The following DIAPH3 variants were observed in gnomAD, a reference collection of about 807,000 sequenced individuals.
DIAPH3 encodes the protein protein diaphanous homolog 3.
DIAPH3 carries 117 observed loss-of-function variants against 144.3 expected under a neutral mutation model. The observed-to-expected ratio is 0.81, with a 90% CI of 0.70 to 0.95. The LOEUF (loss-of-function observed/expected upper bound fraction) is 0.95, where lower values mean the gene tolerates loss of function less well. Among genes scored for constraint, DIAPH3 ranks in the 40% least tolerant of loss-of-function variants. The pLI, the probability that DIAPH3 is intolerant of heterozygous loss-of-function variation, is 0.00. For synonymous variants in DIAPH3, 519 were observed against 488.9 expected, an observed-to-expected ratio of 1.06 and a Z score of -0.81; for missense variants, 1,421 against 1,412.7, an observed-to-expected ratio of 1.01 and a Z score of -0.09.
chr13:60,087,786 C>CAAA (rs66948092), intron 4 of DIAPH3, among the ~76,000 whole-genome samples: 1,855 of 145,354 alleles, frequency 0.013, 24 homozygotes, highest in South Asian at 0.021. Flanking sequence ...TCCAAAATAT[C>CAAA]AAAAAAAAAA....
At chr13:59,768,499 T>C (rs1009269074) in intron 27 of DIAPH3, among the ~76,000 whole-genome samples, 7 of 152,080 alleles carry the variant, frequency 4.6e-5, no homozygotes, top group African/African-American at 1.7e-4. Context: ...AGAAATTTCC[T>C]AATTCTGCCT....
At chr13:59,972,703 T>A (rs1037239250) in intron 15 of DIAPH3, among the ~76,000 whole-genome samples, 14 of 152,156 alleles carry the variant, frequency 9.2e-5, no homozygotes, top group African/African-American at 3.4e-4. Flanking sequence ...TAACTATCAA[T>A]GTCTTAAAGA....
At position 59,979,329 on chromosome 13, in the gene DIAPH3, G is replaced by A. The variant is rs182273455; in HGVS notation, c.1545+1466C>T. Among the ~76,000 whole-genome samples, 570 of 151,636 alleles carry A rather than the reference G, an allele frequency of 3.8e-3. 2 individuals carry two copies. The highest frequency in any genetic ancestry group is 4.9e-3 in the Non-Finnish European group (332 of 67,698). On this transcript the variant is annotated intron_variant, in intron 14 of 27. Coordinates refer to ENST00000400324, the MANE Select transcript of DIAPH3 (RefSeq NM_001042517.2). ...ACTATCTGGGATGTATCCAAATCAAGTACTTGAAAGTCTACTACTACTTTC... is the reference window on the plus strand; with the variant it reads ...ACTATCTGGGATGTATCCAAATCAAATACTTGAAAGTCTACTACTACTTTC...
At chr13:59,852,557 A>G (rs2043037075) in intron 22 of DIAPH3, among the ~76,000 whole-genome samples, 1 of 152,220 alleles carries the variant, frequency 6.6e-6, no homozygotes, top group Admixed American at 6.5e-5. Flanking sequence ...AGGCTGAAGC[A>G]GAGGCAGAAA....
rs1375342712 is a variant in DIAPH3 at position 59,830,776 on chromosome 13, T to C, written c.3027+2331A>G. ...AATAGAAAAAAAGAAAAAGTGGTCA[T>C]TTTTTGGAACAATAATTTGGTTTGT... is the stretch of plus-strand genomic sequence containing the variant. On this transcript the variant is annotated intron_variant, in intron 24 of 27. Transcript: ENST00000400324. Among the ~76,000 whole-genome samples the C allele has an allele frequency of 3.3e-5, 5 of 152,020 alleles. No individual in the cohort carries two copies. In the East Asian group the frequency reaches 9.7e-4, roughly 29 times the overall value.
chr13:59,983,410 G>A (rs1441524012), intron 13 of DIAPH3, among the ~76,000 whole-genome samples: 1 of 151,430 alleles, frequency 6.6e-6, no homozygotes, highest in Non-Finnish European at 1.5e-5. Context: ...GTATACAAGG[G>A]TCAGGCTTTA....
chr13:59,762,186 C>T (rs182531230), intron 27 of DIAPH3, among the ~76,000 whole-genome samples: 4 of 150,416 alleles, frequency 2.7e-5, no homozygotes, highest in South Asian at 2.1e-4. Flanking sequence ...AGCCTCCGGA[C>T]GAGTAGCTGG....
intron 25 of DIAPH3, among the ~76,000 whole-genome samples, chr13:59,797,038 A>G (rs1347922652): frequency 1.3e-5 from 2 of 152,128 alleles, no homozygotes; most frequent in Non-Finnish European, 2.9e-5. Flanking sequence ...TGATAACCCA[A>G]CTCCTAAACC....
chr13:60,075,818 C>T (rs754424117), intron 4 of DIAPH3, among the ~76,000 whole-genome samples: 1 of 152,190 alleles, frequency 6.6e-6, no homozygotes, highest in Admixed American at 6.5e-5. Context: ...CTGCTATAAT[C>T]AAGCATCACT....
At chr13:59,879,014 G>A (rs2044819579) in intron 21 of DIAPH3, among the ~76,000 whole-genome samples, 4 of 152,102 alleles carry the variant, frequency 2.6e-5, no homozygotes, top group Admixed American at 2.6e-4. Context: ...TAAAATCCTT[G>A]AATTGGATTT....
At chr13:59,688,683 T>C (rs1344811334) in intron 27 of DIAPH3, among the ~76,000 whole-genome samples, 1 of 151,988 alleles carries the variant, frequency 6.6e-6, no homozygotes, top group African/African-American at 2.4e-5. Context: ...CACCTAGAGA[T>C]AGTTTAAGTG....
At chr13:60,002,219 G>A (rs1292207371) in intron 9 of DIAPH3, among the ~76,000 whole-genome samples, 2 of 152,162 alleles carry the variant, frequency 1.3e-5, no homozygotes, top group South Asian at 2.1e-4. Flanking sequence ...CTGGAAGGCA[G>A]GACTGAGGCA....
intron 3 of DIAPH3, among the ~76,000 whole-genome samples, chr13:60,103,605 G>C (rs2058333530): frequency 6.6e-6 from 1 of 152,124 alleles, no homozygotes; most frequent in African/African-American, 2.4e-5. Context: ...CACTGCAATA[G>C]CAAAACCAAA....
chr13:60,128,350 A>C (rs1025543961), intron 2 of DIAPH3, among the ~76,000 whole-genome samples: 1 of 152,170 alleles, frequency 6.6e-6, no homozygotes, highest in Non-Finnish European at 1.5e-5. Context: ...TTGCTATTGT[A>C]AATAGTGCTG....
At chr13:59,998,846 C>T (rs936761352) in intron 9 of DIAPH3, among the ~76,000 whole-genome samples, 7 of 152,074 alleles carry the variant, frequency 4.6e-5, no homozygotes, top group African/African-American at 1.7e-4. Flanking sequence ...TTAACATTTG[C>T]ATCCTTCCGG....
chr13:59,764,342 C>G (rs764895539), intron 27 of DIAPH3, among the ~76,000 whole-genome samples: 16 of 151,666 alleles, frequency 1.1e-4, no homozygotes, highest in Non-Finnish European at 1.9e-4. Context: ...GCTCCTTTTC[C>G]AGTCCCATTT....
At chr13:59,788,839 C>A (rs1003134537) in intron 25 of DIAPH3, among the ~76,000 whole-genome samples, 2 of 152,130 alleles carry the variant, frequency 1.3e-5, no homozygotes, top group African/African-American at 4.8e-5. Flanking sequence ...ATGGGTTTTA[C>A]GACTTCCAGC....
At chr13:59,989,302 C>T (rs2051647956) in intron 12 of DIAPH3, among the ~76,000 whole-genome samples, 1 of 151,636 alleles carries the variant, frequency 6.6e-6, no homozygotes, top group Non-Finnish European at 1.5e-5. Context: ...AAAATAAATG[C>T]ATGACAAAAA....
chr13:60,039,310 C>CTT lies in DIAPH3; in HGVS notation c.626+3378_626+3379dup, dbSNP rs35036139. The stretch of plus-strand genomic sequence containing the variant: ...TCTACTTTTTCCTTGATTTCTTTCT[C>CTT]TTTTTTTTTTTGAGATAGAGTCTCA... On this transcript the variant is annotated intron_variant, in intron 5 of 27. Transcript: ENST00000400324. Among the ~76,000 whole-genome samples, 389 of 147,242 alleles carry CTT rather than the reference C, an allele frequency of 2.6e-3. 2 individuals carry two copies. The highest frequency in any genetic ancestry group is 6.6e-3 in the African/African-American group (266 of 40,158).
Sources: allele counts gnomAD v4.1 joint callset (sites outside exome capture counted in the v4.1 genomes callset), GRCh38; gene constraint gnomAD v4.1.1; transcripts MANE v1.5; gene names NCBI Gene and HGNC (gene_info 2026-07-23, HGNC 2026-07-21).